The following ADD2 variants were observed in gnomAD, a reference collection of about 807,000 sequenced individuals.
ADD2 encodes the protein beta-adducin.
In ADD2, 23 loss-of-function variants were observed where a neutral mutation model predicts 83.0. The observed-to-expected ratio is 0.28, with a 90% CI of 0.20 to 0.39. The LOEUF (loss-of-function observed/expected upper bound fraction) is 0.39, where lower values mean the gene tolerates loss of function less well. Ranked by LOEUF, ADD2 falls within the 10% of genes least tolerant of loss-of-function variation. The probability of loss-of-function intolerance (pLI) is 1.00; values close to 1 mark genes in which losing one functional copy is unlikely to be tolerated. For missense variants in ADD2, 758 were observed against 944.9 expected (o/e 0.80, Z 2.59); for synonymous variants, 375 against 375.4 (o/e 1.00, Z 0.01).
intron 1 of ADD2, among the ~76,000 whole-genome samples, chr2:70,741,758 A>G (rs979889240): frequency 3.3e-5 from 5 of 152,176 alleles, no homozygotes; most frequent in South Asian, 2.1e-4. Flanking sequence ...CTGAAACTCA[A>G]TGGACATGCA....
intron 15 of ADD2, among the ~76,000 whole-genome samples, chr2:70,666,361 A>G (rs950024764): frequency 6.4e-4 from 97 of 152,130 alleles, no homozygotes; most frequent in Non-Finnish European, 1.2e-3. Flanking sequence ...AACTGGATCC[A>G]CTCATGTAAA....
At chr2:70,719,960 A>AC (rs1458521128) in intron 1 of ADD2, among the ~76,000 whole-genome samples, 1 of 152,060 alleles carries the variant, frequency 6.6e-6, no homozygotes, top group Non-Finnish European at 1.5e-5. Context: ...ACCACCCCCC[A>AC]CCAAGAAATC....
chr2:70,735,125 T>C (rs1673467054), intron 1 of ADD2, among the ~76,000 whole-genome samples: 1 of 152,196 alleles, frequency 6.6e-6, no homozygotes, highest in African/African-American at 2.4e-5. Context: ...GTCACAGTTA[T>C]TATAATTGCT....
chr2:70,672,202 T>G (rs1553367191), intron 15 of ADD2, among the ~76,000 whole-genome samples: 1 of 152,214 alleles, frequency 6.6e-6, no homozygotes, highest in African/African-American at 2.4e-5. Flanking sequence ...AATTAGCTGT[T>G]ATTACTAGTT....
chr2:70,743,575 T>C (rs555394881), intron 1 of ADD2, among the ~76,000 whole-genome samples: 1 of 152,278 alleles, frequency 6.6e-6, no homozygotes, highest in African/African-American at 2.4e-5. Context: ...TCTCAACAAG[T>C]GTGTAACATT....
At chr2:70,717,517 C>T (rs1355353631) in intron 1 of ADD2, among the ~76,000 whole-genome samples, 12 of 152,132 alleles carry the variant, frequency 7.9e-5, no homozygotes, top group East Asian at 5.8e-4. Context: ...AGTGGAAAGA[C>T]GCAAGCTGCC....
At position 70,661,174 on chromosome 2, in the gene ADD2, G is replaced by A. The variant is rs551949923; in HGVS notation, c.*2251C>T. On this transcript the variant is annotated 3_prime_UTR_variant, in exon 16 of 16. Coordinates refer to ENST00000264436, the MANE Select transcript of ADD2 (RefSeq NM_001617.4). The stretch of plus-strand genomic sequence containing the variant: ...TGCAGAGGCAATCAACATCACCCCC[G>A]AAGTAGAACAACTCGCACACAAAAG... The A allele has an allele frequency of 2.6e-5, 4 of 152,264 alleles. No homozygotes were observed. Among genetic ancestry groups the A allele is most frequent in the East Asian group, 1.9e-4 (1 of 5,172 alleles). 9.4% of individuals were successfully genotyped at this position (152,264 alleles called of 1,614,324 possible). A position where few individuals can be genotyped will look rare whatever the true frequency, so the allele number is the denominator to read the frequency against.
In ADD2 at chr2:70,692,675, AATGACGG is replaced by A; in HGVS notation, c.556-130_556-124del. ...TTCACACATTCCAGACACCATGAGC[AATGACGG>A]ACTTGGTGTTGGAAGAAAACAAACC... On this transcript the variant is annotated intron_variant, in intron 6 of 15. Coordinates refer to ENST00000264436, the MANE Select transcript of ADD2 (RefSeq NM_001617.4). The A allele has an allele frequency of 2.4e-5, 26 of 1,079,608 alleles. No homozygotes were observed. The South Asian group carries it at 4.4e-4, about 18-fold the overall frequency. The allele number at this position is 1,079,608 out of a possible 1,614,324, so 66.9% of individuals were successfully genotyped here.
chr2:70,710,654 GCA>G (rs1672134453), intron 2 of ADD2, among the ~76,000 whole-genome samples: 1 of 152,316 alleles, frequency 6.6e-6, no homozygotes, highest in African/African-American at 2.4e-5. Context: ...GCGATTAAAA[GCA>G]CAGACTCTGG....
intron 1 of ADD2, among the ~76,000 whole-genome samples, chr2:70,727,791 G>T (rs1673082559): frequency 1.3e-5 from 2 of 152,162 alleles, no homozygotes; most frequent in African/African-American, 4.8e-5. Context: ...AGCTACTTGG[G>T]AGGCTGAAGC....
chr2:70,725,145 A>T (rs1448310799), intron 1 of ADD2, among the ~76,000 whole-genome samples: 4 of 152,228 alleles, frequency 2.6e-5, no homozygotes, highest in African/African-American at 9.6e-5. Context: ...CAGAGTGGTA[A>T]TTATGGTAGC....
chr2:70,681,772 C>T (rs782618854), intron 10 of ADD2, among the ~76,000 whole-genome samples: 4 of 151,578 alleles, frequency 2.6e-5, no homozygotes, highest in Non-Finnish European at 4.4e-5. Flanking sequence ...TGCTTCATTG[C>T]CTTGGATTGA....
At chr2:70,719,617 C>T (rs1422700924) in intron 1 of ADD2, among the ~76,000 whole-genome samples, 1 of 152,162 alleles carries the variant, frequency 6.6e-6, no homozygotes, top group African/African-American at 2.4e-5. Context: ...TTCCCACACT[C>T]AGTGCCTTCA....
rs1393458398 is a variant in ADD2 at position 70,662,922 on chromosome 2, C to A, written c.*503G>T. The A allele has an allele frequency of 6.5e-6, 1 of 154,908 alleles. No homozygotes were observed. Among genetic ancestry groups the A allele is most frequent in the Non-Finnish European group, 1.4e-5 (1 of 69,858 alleles). 9.6% of individuals were successfully genotyped at this position (154,908 alleles called of 1,614,324 possible). On this transcript the variant is annotated 3_prime_UTR_variant, in exon 16 of 16. Coordinates refer to ENST00000264436, the MANE Select transcript of ADD2 (RefSeq NM_001617.4). ...CAATTTGGCTAGTCACTTTGAGCAG[C>A]AGGGCAGGGACCCAAAGTGGAAAAG...
intron 10 of ADD2, among the ~76,000 whole-genome samples, chr2:70,681,489 C>T (rs960123409): frequency 1.3e-5 from 2 of 152,154 alleles, no homozygotes; most frequent in Non-Finnish European, 2.9e-5. Context: ...AAATCCCTAA[C>T]CTCTGAGGCT....
At chr2:70,704,875 G>A (rs1671805813) in intron 3 of ADD2, among the ~76,000 whole-genome samples, 1 of 152,128 alleles carries the variant, frequency 6.6e-6, no homozygotes, top group South Asian at 2.1e-4. Context: ...GTTTCCTCAT[G>A]TGCTTAATGA....
intron 10 of ADD2, among the ~76,000 whole-genome samples, chr2:70,681,931 T>C (rs57210337): frequency 5.3e-4 from 81 of 152,282 alleles, no homozygotes; most frequent in African/African-American, 1.9e-3. Flanking sequence ...TTGCCCAGGC[T>C]GGTCTTGAAC....
intron 1 of ADD2, among the ~76,000 whole-genome samples, chr2:70,736,809 A>G (rs1673589869): frequency 1.3e-5 from 2 of 151,926 alleles, no homozygotes; most frequent in African/African-American, 4.8e-5. Flanking sequence ...GAATGCTCGA[A>G]TAATATGAGC....
chr2:70,662,194 G>A lies in ADD2; in HGVS notation c.*1231C>T, dbSNP rs1553365106. 1 of 152,212 alleles carries A rather than the reference G, an allele frequency of 6.6e-6. No individual in the cohort carries two copies. Among genetic ancestry groups the A allele is most frequent in the Non-Finnish European group, 1.5e-5 (1 of 68,036 alleles). The allele number at this position is 152,212 out of a possible 1,614,324, so 9.4% of individuals were successfully genotyped here. A position where few individuals can be genotyped will look rare whatever the true frequency, so the allele number is the denominator to read the frequency against. The stretch of plus-strand genomic sequence containing the variant: ...AATGCTCATTAATCAATGCCCCACG[G>A]AAGAACATGAGAAGACAGTGTTGGC... On this transcript the variant is annotated 3_prime_UTR_variant, in exon 16 of 16. Transcript: ENST00000264436.
Sources: allele counts gnomAD v4.1 joint callset (sites outside exome capture counted in the v4.1 genomes callset), GRCh38; gene constraint gnomAD v4.1.1; transcripts MANE v1.5; gene names NCBI Gene and HGNC (gene_info 2026-07-23, HGNC 2026-07-21).